SERPINB8: variants seen among roughly 807,000 people sequenced by gnomAD.
SERPINB8 encodes the protein serpin B8.
SERPINB8 carries 25 observed loss-of-function variants against 35.3 expected under a neutral mutation model. The observed-to-expected ratio is 0.71, with a 90% CI of 0.52 to 0.99. The LOEUF is 0.99. Among genes scored for constraint, SERPINB8 ranks in the 50% least tolerant of loss-of-function variants. The pLI, the probability that SERPINB8 is intolerant of heterozygous loss-of-function variation, is 0.00. For missense variants in SERPINB8, 484 were observed against 446.5 expected (o/e 1.08, Z -0.76); for synonymous variants, 186 against 160.8 (o/e 1.16, Z -1.19).
chr18:63,973,776 T>A (rs2144786416), intron 1 of SERPINB8, among the ~76,000 whole-genome samples: 1 of 152,356 alleles, frequency 6.6e-6, no homozygotes, highest in East Asian at 1.9e-4. Context: ...TTGTCCGGTT[T>A]GTCAAAGATC....
At chr18:63,993,605 C>G (rs685780), downstream of SERPINB8, among the ~76,000 whole-genome samples, 32,307 of 152,110 alleles carry the variant, frequency 0.21, 4,627 homozygotes, top group African/African-American at 0.41. Flanking sequence ...TATATAATTA[C>G]CAATGTTGTG....
chr18:63,999,723 C>T lies in SERPINB8; in HGVS notation c.71-5096C>T, dbSNP rs150888323. Among the ~76,000 whole-genome samples, 163 of 152,256 alleles carry T rather than the reference C, an allele frequency of 1.1e-3. 2 individuals are homozygous for T. Among genetic ancestry groups the T allele is most frequent in the Non-Finnish European group, 1.9e-3 (126 of 68,018 alleles). On this transcript the variant is annotated intron_variant, in intron 1 of 1. Transcript: ENST00000493661. The stretch of plus-strand genomic sequence containing the variant: ...CTTTTTGATAGCCTTGTAATCTGCA[C>T]GAATGGGGCATTAATAAGAGTTTTT...
rs913621803 is a variant in SERPINB8 at position 63,988,086 on chromosome 18, G to A, written c.*808G>A. On this transcript the variant is annotated 3_prime_UTR_variant, in exon 7 of 7. Coordinates refer to ENST00000397985, the MANE Select transcript of SERPINB8 (RefSeq NM_002640.4). Reference sequence around the variant, plus strand: ...TTTTTCTGCCTAAAAATAAAATTGCGTTGTGGCAGCAATTTGGAAACTACA... The same window carrying A: ...TTTTTCTGCCTAAAAATAAAATTGCATTGTGGCAGCAATTTGGAAACTACA... 6 of 152,156 alleles carry A rather than the reference G, an allele frequency of 3.9e-5. No individual in the cohort carries two copies. The highest frequency in any genetic ancestry group is 8.8e-5 in the Non-Finnish European group (6 of 68,026). The allele number at this position is 152,156 out of a possible 1,614,324, so 9.4% of individuals were successfully genotyped here. A position where few individuals can be genotyped will look rare whatever the true frequency, so the allele number is the denominator to read the frequency against.
At chr18:63,985,487 G>A (rs879645551) in intron 6 of SERPINB8, among the ~76,000 whole-genome samples, 2 of 152,170 alleles carry the variant, frequency 1.3e-5, no homozygotes, top group Non-Finnish European at 2.9e-5. Flanking sequence ...TTATTATTTG[G>A]AATATTATTC....
intron 4 of SERPINB8, 113 bp from the exon 5 acceptor site, chr18:63,983,466 A>G: frequency 2.1e-6 from 2 of 962,278 alleles, no homozygotes; most frequent in South Asian, 3.0e-5. Flanking sequence ...GCCCAGAAAG[A>G]CAGAACTCCA....
intron 1 of SERPINB8, among the ~76,000 whole-genome samples, chr18:63,997,157 C>T (rs1206286243): frequency 6.6e-6 from 1 of 152,182 alleles, no homozygotes; most frequent in Admixed American, 6.5e-5. Context: ...AGGGAGTCAG[C>T]CAAAAGGCAC....
At chr18:64,013,821 A>T (rs1330516105) in intron 7 of SERPINB8, among the ~76,000 whole-genome samples, 1 of 152,236 alleles carries the variant, frequency 6.6e-6, no homozygotes, top group Non-Finnish European at 1.5e-5. Flanking sequence ...ATGGTGAAAG[A>T]TGATGCTTAT....
Position 63,987,012 on chromosome 18 carries a change from G to A in SERPINB8, c.859G>A (p.Gly287Arg), listed in dbSNP as rs1420883765. 2 of 1,614,192 alleles carry A rather than the reference G, an allele frequency of 1.2e-6. No homozygotes were observed. Among genetic ancestry groups the A allele is most frequent in the Non-Finnish European group, 1.7e-6 (2 of 1,180,036 alleles). The change falls in exon 7 of 7, where the codon GGA becomes AGA. Residue 287 changes from glycine (G) to arginine (R), a missense_variant. Physicochemically the swap from Gly to Arg is moderately radical, Grantham distance 125. Coordinates refer to ENST00000397985, the MANE Select transcript of SERPINB8 (RefSeq NM_002640.4). Reference protein sequence around the residue: ...YDLEPFLRRLGMIDAFDEAKA... With the variant: ...YDLEPFLRRLRMIDAFDEAKA... ...CTTGGAGCCTTTCCTTCGAAGATTA[G>A]GAATGATCGATGCTTTTGACGAAGC...
chr18:64,012,819 A>G (rs2050931726), intron 7 of SERPINB8, among the ~76,000 whole-genome samples: 1 of 152,098 alleles, frequency 6.6e-6, no homozygotes, highest in African/African-American at 2.4e-5. Context: ...CGTAATCTCT[A>G]CTGCTGAATA....
chr18:63,976,954 C>T (rs1486767851), intron 1 of SERPINB8, among the ~76,000 whole-genome samples: 1 of 151,710 alleles, frequency 6.6e-6, no homozygotes, highest in Non-Finnish European at 1.5e-5. Context: ...TTCAGGCCAG[C>T]CTATCTCAAA....
At chr18:64,008,302 G>C (rs2050909710), downstream of SERPINB8, among the ~76,000 whole-genome samples, 1 of 152,140 alleles carries the variant, frequency 6.6e-6, no homozygotes, top group Admixed American at 6.5e-5. Context: ...GAGTGCAATG[G>C]CATGATCTCG....
downstream of SERPINB8, among the ~76,000 whole-genome samples, chr18:63,992,244 C>T (rs148235053): frequency 3.6e-3 from 552 of 152,092 alleles, 1 homozygote; most frequent in African/African-American, 0.012. Context: ...TGAAACCATC[C>T]GAGACTGGAG....
At chr18:63,976,073 C>G (rs1040736024) in intron 1 of SERPINB8, among the ~76,000 whole-genome samples, 2 of 152,020 alleles carry the variant, frequency 1.3e-5, no homozygotes, top group Admixed American at 1.3e-4. Flanking sequence ...TGCTCATTTG[C>G]TAATTTTCCA....
rs148947974 is a variant in SERPINB8, at chr18:63,986,976, G to A, written c.823G>A (p.Glu275Lys). The part of the protein sequence containing the change: ...QVFLPRLKLE[E>K]SYDLEPFLRR... Reference sequence around the variant, plus strand: ...TTTCCTTCCCAGATTAAAGCTGGAGGAGAGTTATGACTTGGAGCCTTTCCT... The same window carrying A: ...TTTCCTTCCCAGATTAAAGCTGGAGAAGAGTTATGACTTGGAGCCTTTCCT... Residue 275 changes from glutamate to lysine, a missense_variant, in exon 7 of 7, where the codon GAG (glutamate) becomes AAG (lysine). Coordinates refer to ENST00000397985, the MANE Select transcript of SERPINB8 (RefSeq NM_002640.4). 2.8e-4 allele frequency: 446 copies of A among 1,614,182 alleles called. 2 individuals carry two copies. In the East Asian group the frequency reaches 8.9e-3, roughly 32 times the overall value.
At chr18:63,982,544 A>G (rs1303542962) in intron 4 of SERPINB8, among the ~76,000 whole-genome samples, 1 of 152,210 alleles carries the variant, frequency 6.6e-6, no homozygotes, top group East Asian at 1.9e-4. Flanking sequence ...TCATTATTGC[A>G]TCCATTCCAT....
At chr18:64,012,477 C>A (rs539534069) in intron 7 of SERPINB8, among the ~76,000 whole-genome samples, 4 of 151,922 alleles carry the variant, frequency 2.6e-5, no homozygotes, top group African/African-American at 7.3e-5. Flanking sequence ...AACTTTTTCT[C>A]GTAGCTCTTC....
chr18:64,013,926 A>G (rs213076), intron 7 of SERPINB8, among the ~76,000 whole-genome samples: 142,088 of 152,262 alleles, frequency 0.93, 66,423 homozygotes, highest in East Asian at 1. Context: ...GTAGATTTGG[A>G]ACATCAAAGT....
chr18:64,007,005 C>G (rs56688208), downstream of SERPINB8, among the ~76,000 whole-genome samples: 1,058 of 151,214 alleles, frequency 7.0e-3, 19 homozygotes, highest in African/African-American at 0.025. Flanking sequence ...AAACAGCAGA[C>G]AAACAATATA....
intron 1 of SERPINB8, among the ~76,000 whole-genome samples, chr18:63,973,178 C>T (rs1285132486): frequency 6.6e-6 from 1 of 152,230 alleles, no homozygotes; most frequent in African/African-American, 2.4e-5. Flanking sequence ...TTAATGATCA[C>T]CATTCTAACT....
Sources: allele counts gnomAD v4.1 joint callset (sites outside exome capture counted in the v4.1 genomes callset), GRCh38; gene constraint gnomAD v4.1.1; transcripts MANE v1.5; gene names NCBI Gene and HGNC (gene_info 2026-07-23, HGNC 2026-07-21).